The following RNF152 variants were observed in gnomAD, a reference collection of about 807,000 sequenced individuals.
RNF152 encodes the protein ring finger protein 152.
In RNF152, 11 loss-of-function variants were observed where a neutral mutation model predicts 12.7. The observed-to-expected ratio is 0.86, with a 90% CI of 0.54 to 1.43. RNF152 has a LOEUF of 1.43. RNF152 is among the 40% of genes most tolerant of loss of function. The pLI, the probability that RNF152 is intolerant of heterozygous loss-of-function variation, is 0.00. For missense variants in RNF152, 255 were observed against 274.8 expected (o/e 0.93, Z 0.51); for synonymous variants, 113 against 120.3 (o/e 0.94, Z 0.40).
intron 1 of RNF152, among the ~76,000 whole-genome samples, chr18:61,861,541 C>G (rs60860954): frequency 0.013 from 2,034 of 152,282 alleles, 19 homozygotes; most frequent in Middle Eastern, 0.075. Context: ...ATATCCCTGT[C>G]ATCAAGTGAG....
intron 1 of RNF152, among the ~76,000 whole-genome samples, chr18:61,856,869 A>G (rs1322817091): frequency 6.6e-6 from 1 of 152,214 alleles, no homozygotes; most frequent in African/African-American, 2.4e-5. Context: ...GACTAGCTAT[A>G]AAGCTCATCT....
At chr18:61,869,616 AG>A (rs1330570677) in intron 1 of RNF152, among the ~76,000 whole-genome samples, 3 of 152,368 alleles carry the variant, frequency 2.0e-5, no homozygotes, top group African/African-American at 7.2e-5. Context: ...TCAAGAACTT[AG>A]CTGATCCAGG....
At chr18:61,851,572 CTTAAG>C (rs1165827430) in intron 1 of RNF152, among the ~76,000 whole-genome samples, 2 of 152,146 alleles carry the variant, frequency 1.3e-5, no homozygotes, top group Non-Finnish European at 2.9e-5. Flanking sequence ...TGGAGGTACA[CTTAAG>C]TTAAGTAACT....
chr18:61,830,213 G>A (rs1280776779), intron 1 of RNF152, among the ~76,000 whole-genome samples: 1 of 151,954 alleles, frequency 6.6e-6, no homozygotes, highest in Admixed American at 6.6e-5. Flanking sequence ...TAGTAGAGAT[G>A]GGGGTGTCTT....
intron 1 of RNF152, among the ~76,000 whole-genome samples, chr18:61,818,899 G>A (rs569942502): frequency 6.6e-5 from 10 of 152,104 alleles, no homozygotes; most frequent in African/African-American, 9.7e-5. Flanking sequence ...AGATGGGAGC[G>A]CTAAGTACTT....
chr18:61,841,390 A>G (rs1166830987), intron 1 of RNF152, among the ~76,000 whole-genome samples: 7 of 152,244 alleles, frequency 4.6e-5, no homozygotes, highest in Non-Finnish European at 7.3e-5. Context: ...CATTAATAAT[A>G]GTTACAAAAT....
intron 1 of RNF152, among the ~76,000 whole-genome samples, chr18:61,891,398 T>C (rs1599334031): frequency 2.0e-5 from 3 of 152,018 alleles, no homozygotes; most frequent in Admixed American, 1.3e-4. Flanking sequence ...TGTTTTGCCA[T>C]GTGGAATTTT....
At chr18:61,850,929 G>A (rs1018029523) in intron 1 of RNF152, among the ~76,000 whole-genome samples, 1 of 152,012 alleles carries the variant, frequency 6.6e-6, no homozygotes, top group Non-Finnish European at 1.5e-5. Context: ...TGGGCACACG[G>A]AAATGCCCAG....
At chr18:61,888,392 A>G (rs1912795275) in intron 1 of RNF152, 1 of 152,190 alleles carries the variant, frequency 6.6e-6, no homozygotes. Flanking sequence ...ATGACCTTTG[A>G]TTTTTTGACT....
chr18:61,826,574 C>G (rs990412854), intron 1 of RNF152, among the ~76,000 whole-genome samples: 8 of 151,700 alleles, frequency 5.3e-5, no homozygotes, highest in African/African-American at 1.9e-4. Flanking sequence ...TTTTTTTCCT[C>G]TTTACATGTT....
In RNF152 at chr18:61,816,315, C is replaced by T. The variant is rs139123137; in HGVS notation, c.149G>A (p.Arg50Gln). The T allele has an allele frequency of 1.2e-5, 20 of 1,614,182 alleles. No individual in the cohort carries two copies. Among genetic ancestry groups the T allele is most frequent in the African/African-American group, 4.0e-5 (3 of 75,048 alleles). Residue 50 changes from arginine to glutamine, a missense_variant, in exon 2 of 2, where the codon CGG becomes CAG. By Grantham distance (43) the Arg-to-Gln change is conservative (BLOSUM62 1). Coordinates refer to ENST00000312828, the MANE Select transcript of RNF152 (RefSeq NM_173557.3). ...GGTGACACCGCGGCACCAGGGGCAC[C>T]GCACATCCTTCTGGCTGGTCCTCAT... is the stretch of plus-strand genomic sequence containing the variant. Reference protein sequence around the residue: ...QQMRTSQKDVRCPWCRGVTKL... With the variant: ...QQMRTSQKDVQCPWCRGVTKL...
At chr18:61,875,125 T>C (rs945048321) in intron 1 of RNF152, 8 of 152,060 alleles carry the variant, frequency 5.3e-5, no homozygotes, top group African/African-American at 1.9e-4. Context: ...GAGTTAGAGT[T>C]TGAATAGAAG....
rs957054958 is a variant in RNF152, at chr18:61,814,089, C to G, written c.*1763G>C. On this transcript the variant is annotated 3_prime_UTR_variant, in exon 2 of 2. Coordinates refer to ENST00000312828, the MANE Select transcript of RNF152 (RefSeq NM_173557.3). Reference sequence around the variant, plus strand: ...GATCAATTTGAAAAATCAGAGCTCACAATTTTATGTTGAATTCTCATGCCA... The same window carrying G: ...GATCAATTTGAAAAATCAGAGCTCAGAATTTTATGTTGAATTCTCATGCCA... 3.9e-5 allele frequency: 6 copies of G among 152,198 alleles called. No individual in the cohort carries two copies. Among genetic ancestry groups the G allele is most frequent in the African/African-American group, 1.4e-4 (6 of 41,460 alleles). 9.4% of individuals were successfully genotyped at this position (152,198 alleles called of 1,614,324 possible).
chr18:61,883,154 G>C (rs150439691), intron 1 of RNF152, among the ~76,000 whole-genome samples: 220 of 152,234 alleles, frequency 1.4e-3, no homozygotes, highest in African/African-American at 5.2e-3. Flanking sequence ...CCCTCAACCT[G>C]TCCTGGAATG....
chr18:61,884,801 T>G (rs1912616224), intron 1 of RNF152, among the ~76,000 whole-genome samples: 1 of 152,214 alleles, frequency 6.6e-6, no homozygotes, highest in South Asian at 2.1e-4. Context: ...TCAGGTGATC[T>G]GCCTGCCTCA....
intron 1 of RNF152, among the ~76,000 whole-genome samples, chr18:61,869,622 T>C (rs1911892872): frequency 6.6e-6 from 1 of 152,192 alleles, no homozygotes. Flanking sequence ...ACTTAGCTGA[T>C]CCAGGAGGGT....
rs1912852395 is a variant in RNF152 at position 61,809,442 on chromosome 18, C to T, written c.*6410G>A. The T allele has an allele frequency of 6.6e-6, 1 of 152,198 alleles. No homozygotes were observed. The highest frequency in any genetic ancestry group is 2.1e-4 in the South Asian group (1 of 4,836). 9.4% of individuals were successfully genotyped at this position (152,198 alleles called of 1,614,324 possible). A position where few individuals can be genotyped will look rare whatever the true frequency, so the allele number is the denominator to read the frequency against. ...TTCCACCACTATTATATCCAACTGT[C>T]TACTTCTGGATTTTCAAAAAGCAAA... On this transcript the variant is annotated 3_prime_UTR_variant, in exon 2 of 2. Coordinates refer to ENST00000312828, the MANE Select transcript of RNF152 (RefSeq NM_173557.3).
In RNF152 at chr18:61,810,046, C is replaced by T. The variant is rs958529955; in HGVS notation, c.*5806G>A. On this transcript the variant is annotated 3_prime_UTR_variant, in exon 2 of 2. Transcript: ENST00000312828. ...GCTTAAGTTCTTCAATGATTAATGG[C>T]TTTCCAATAAAATGTATACAGTAGA... 2.0e-5 allele frequency: 3 copies of T among 152,080 alleles called. No homozygotes were observed. The highest frequency in any genetic ancestry group is 2.9e-5 in the Non-Finnish European group (2 of 68,004). The allele number at this position is 152,080 out of a possible 1,614,324, so 9.4% of individuals were successfully genotyped here.
intron 1 of RNF152, among the ~76,000 whole-genome samples, chr18:61,884,252 G>A (rs1435800387): frequency 6.6e-6 from 1 of 151,990 alleles, no homozygotes; most frequent in Non-Finnish European, 1.5e-5. Context: ...AACTCAGTCA[G>A]ACCTTGTGCA....
Sources: allele counts gnomAD v4.1 joint callset (sites outside exome capture counted in the v4.1 genomes callset), GRCh38; gene constraint gnomAD v4.1.1; transcripts MANE v1.5; gene names NCBI Gene and HGNC (gene_info 2026-07-23, HGNC 2026-07-21).